CHODL: variants seen among roughly 807,000 people sequenced by gnomAD.
CHODL encodes transmembrane protein MT75.
CHODL carries 29 observed loss-of-function variants against 34.5 expected under a neutral mutation model. The ratio of observed to expected loss-of-function variants is 0.84; its 90% confidence interval spans 0.63 to 1.15. The LOEUF is 1.15. Among genes scored for constraint, CHODL ranks in the 50% most tolerant of loss-of-function variants. The pLI, the probability that CHODL is intolerant of heterozygous loss-of-function variation, is 0.00. For missense variants in CHODL, 332 were observed against 332.5 expected (o/e 1.00, Z 0.01); for synonymous variants, 125 against 116.1 (o/e 1.08, Z -0.49).
intron 2 of CHODL, among the ~76,000 whole-genome samples, chr21:18,144,214 A>G (rs2072837495): frequency 6.6e-6 from 1 of 152,144 alleles, no homozygotes; most frequent in Admixed American, 6.5e-5. Flanking sequence ...CATATCAGTT[A>G]TTTGATACCT....
chr21:17,959,712 G>A (rs568921054), intron 1 of CHODL, among the ~76,000 whole-genome samples: 28 of 152,104 alleles, frequency 1.8e-4, no homozygotes, highest in Non-Finnish European at 3.7e-4. Flanking sequence ...TGAGTCAGTT[G>A]GCATTTATAT....
In CHODL at chr21:18,266,191, T is replaced by A. The variant is rs1378713543; in HGVS notation, c.*153T>A. The A allele has an allele frequency of 2.6e-6, 4 of 1,543,516 alleles. No individual in the cohort carries two copies. Among genetic ancestry groups the A allele is most frequent in the East Asian group, 2.5e-5 (1 of 40,816 alleles). The stretch of plus-strand genomic sequence containing the variant: ...GGCAAATATTAAAGTAATTTTTATA[T>A]GTCTATTATTTCATTTAAAGAATAT... On this transcript the variant is annotated 3_prime_UTR_variant, in exon 6 of 6. Coordinates refer to ENST00000299295, the MANE Select transcript of CHODL (RefSeq NM_024944.3).
chr21:18,189,217 C>T (rs182359088), intron 2 of CHODL, among the ~76,000 whole-genome samples: 10 of 152,220 alleles, frequency 6.6e-5, no homozygotes, highest in East Asian at 3.9e-4. Context: ...CTCAGTGTAG[C>T]GGAATCCCTT....
intron 2 of CHODL, among the ~76,000 whole-genome samples, chr21:18,147,135 T>C (rs1451634566): frequency 6.6e-6 from 1 of 152,216 alleles, no homozygotes. Flanking sequence ...AGAAAGGTTT[T>C]GACAGTTGTT....
chr21:18,078,806 A>C lies in CHODL; in HGVS notation c.-45+50835A>C, dbSNP rs115738281. ...ATGGATGTTGTCTCATTTAGTTCTC[A>C]AAGAGCTTTATGAGCTAGGTAATAT... On this transcript the variant is annotated intron_variant, in intron 2 of 6. Coordinates refer to the CHODL transcript ENST00000400127. Among the ~76,000 whole-genome samples, 1,317 of 152,208 alleles carry C rather than the reference A, an allele frequency of 8.7e-3. 23 individuals carry two copies. The highest frequency in any genetic ancestry group is 0.03 in the African/African-American group (1,242 of 41,522).
chr21:17,974,083 T>G (rs2063641839), intron 1 of CHODL, among the ~76,000 whole-genome samples: 1 of 152,178 alleles, frequency 6.6e-6, no homozygotes, highest in Non-Finnish European at 1.5e-5. Flanking sequence ...TATTTTCACT[T>G]CTCATTCTGG....
At chr21:17,979,886 A>G (rs1401748040) in intron 1 of CHODL, among the ~76,000 whole-genome samples, 1 of 152,170 alleles carries the variant, frequency 6.6e-6, no homozygotes, top group Non-Finnish European at 1.5e-5. Context: ...CTCTATTCCA[A>G]AGAATCCAAG....
chr21:18,062,795 A>G (rs973507372), intron 2 of CHODL, among the ~76,000 whole-genome samples: 10 of 152,038 alleles, frequency 6.6e-5, no homozygotes, highest in African/African-American at 2.4e-4. Context: ...GATTACAGAC[A>G]TGAGCCACCA....
intron 1 of CHODL, among the ~76,000 whole-genome samples, chr21:17,924,589 C>A (rs2063208663): frequency 6.6e-6 from 1 of 152,144 alleles, no homozygotes; most frequent in Non-Finnish European, 1.5e-5. Context: ...AAGTCTGAAG[C>A]TGGGAGAGAA....
intron 1 of CHODL, among the ~76,000 whole-genome samples, chr21:17,996,548 A>G (rs577021034): frequency 3.7e-4 from 57 of 152,350 alleles, no homozygotes; most frequent in African/African-American, 1.3e-3. Flanking sequence ...CACATAAGTA[A>G]GAAACTCAGT....
chr21:18,172,341 C>T (rs1266716722), intron 2 of CHODL, among the ~76,000 whole-genome samples: 2 of 152,168 alleles, frequency 1.3e-5, no homozygotes, highest in Admixed American at 1.3e-4. Flanking sequence ...TTCCGGAGAG[C>T]AGCCAGACAG....
intron 1 of CHODL, among the ~76,000 whole-genome samples, chr21:17,946,563 ATTTGC>A (rs2063411154): frequency 6.6e-6 from 1 of 152,132 alleles, no homozygotes; most frequent in Non-Finnish European, 1.5e-5. Context: ...ATTTATTAAT[ATTTGC>A]TTTGTATATG....
At chr21:18,134,899 A>G (rs1435182905) in intron 2 of CHODL, among the ~76,000 whole-genome samples, 1 of 152,232 alleles carries the variant, frequency 6.6e-6, no homozygotes, top group African/African-American at 2.4e-5. Flanking sequence ...TGGCTTACCT[A>G]TGATGTAAAT....
intron 1 of CHODL, among the ~76,000 whole-genome samples, chr21:18,002,065 C>T (rs1304827547): frequency 1.3e-5 from 2 of 152,060 alleles, no homozygotes; most frequent in East Asian, 3.9e-4. Flanking sequence ...ACTTTTTATT[C>T]ACCTGTACTT....
In CHODL at chr21:18,062,428, C is replaced by T. The variant is rs575063195; in HGVS notation, c.-45+34457C>T. On this transcript the variant is annotated intron_variant, in intron 2 of 6. Transcript: ENST00000400127. ...GTCACAAGGTTGGCCACGCTGGTCT[C>T]GAATTCCTGGGCTCAAGTGATCCTC... is the stretch of plus-strand genomic sequence containing the variant. 4.6e-5 allele frequency among the ~76,000 whole-genome samples: 7 copies of T among 150,890 alleles called. No homozygotes were observed. The Middle Eastern group carries it at 0.01, about 221-fold the overall frequency.
chr21:18,252,390 T>C (rs998981747), intron 1 of CHODL, among the ~76,000 whole-genome samples: 1 of 152,102 alleles, frequency 6.6e-6, no homozygotes, highest in South Asian at 2.1e-4. Context: ...TCTAGGAAAA[T>C]TGGCTTTTAC....
chr21:18,240,359 C>A (rs1430423377), upstream of CHODL, among the ~76,000 whole-genome samples: 1 of 152,004 alleles, frequency 6.6e-6, no homozygotes, highest in African/African-American at 2.4e-5. Flanking sequence ...AGTCAGGAAA[C>A]ACAGAACTTC....
intron 1 of CHODL, among the ~76,000 whole-genome samples, chr21:18,026,734 A>G (rs2064179646): frequency 6.6e-6 from 1 of 152,198 alleles, no homozygotes; most frequent in African/African-American, 2.4e-5. Flanking sequence ...GATGTTTAAT[A>G]CACATGCAAT....
intron 2 of CHODL, among the ~76,000 whole-genome samples, chr21:18,057,088 C>T (rs890248547): frequency 1.1e-4 from 17 of 152,028 alleles, no homozygotes; most frequent in South Asian, 4.1e-4. Flanking sequence ...CAGATATTTC[C>T]GCTTAAGCTA....
Sources: gnomAD v4.1 joint callset for allele counts (sites outside exome capture counted in the v4.1 genomes callset) on GRCh38, gnomAD v4.1.1 for gene constraint, MANE v1.5 for transcripts, NCBI Gene and HGNC (gene_info 2026-07-23, HGNC 2026-07-21) for gene names.